STXBP5L: variants seen among roughly 807,000 people sequenced by gnomAD.
STXBP5L encodes the protein syntaxin binding protein 5L, also known as syntaxin-binding protein 5-like.
STXBP5L carries 65 observed loss-of-function variants against 144.5 expected under a neutral mutation model. That is an observed-to-expected ratio of 0.45 (90% confidence interval 0.37 to 0.55). The LOEUF is 0.55. STXBP5L is among the 20% of genes least tolerant of loss of function. STXBP5L has a pLI of 0.00. For missense variants in STXBP5L, 1,298 were observed against 1,405.5 expected (o/e 0.92, Z 1.22); for synonymous variants, 505 against 469.6 (o/e 1.08, Z -0.97).
intron 6 of STXBP5L, among the ~76,000 whole-genome samples, chr3:121,116,269 T>C (rs2044225674): frequency 6.6e-6 from 1 of 152,198 alleles, no homozygotes; most frequent in African/African-American, 2.4e-5. Flanking sequence ...TGCAAAATTC[T>C]GATTAAAACA....
chr3:121,338,393 C>T (rs1279667167), intron 20 of STXBP5L, among the ~76,000 whole-genome samples: 1 of 151,644 alleles, frequency 6.6e-6, no homozygotes, highest in Non-Finnish European at 1.5e-5. Flanking sequence ...CCTGTAATCC[C>T]AGCACTTTGG....
rs138329088 is a variant in STXBP5L at position 121,323,539 on chromosome 3, T to C, written c.2176+4999T>C. Among the ~76,000 whole-genome samples, 139 of 152,296 alleles carry C rather than the reference T, an allele frequency of 9.1e-4. 1 individual carries two copies. The highest frequency in any genetic ancestry group is 3.1e-3 in the African/African-American group (130 of 41,574). On this transcript the variant is annotated intron_variant, in intron 20 of 26. Coordinates refer to ENST00000471454, the MANE Select transcript of STXBP5L (RefSeq NM_001308330.2). ...GAAGAATCCATTGAGTCAAATGGAA[T>C]GCCAATGTTCTCAGTTTCCAAGATA... is the stretch of plus-strand genomic sequence containing the variant.
At chr3:120,962,792 G>A (rs2107746834) in intron 3 of STXBP5L, among the ~76,000 whole-genome samples, 2 of 151,342 alleles carry the variant, frequency 1.3e-5, no homozygotes, top group South Asian at 4.2e-4. Context: ...ACTTTAAATA[G>A]TTTTTCCAAT....
chr3:121,204,404 C>T (rs192876788), intron 9 of STXBP5L, among the ~76,000 whole-genome samples: 6 of 152,004 alleles, frequency 3.9e-5, no homozygotes, highest in Admixed American at 3.9e-4. Context: ...TTTTTTTCTT[C>T]TTTAGTCAAC....
intron 9 of STXBP5L, among the ~76,000 whole-genome samples, chr3:121,159,867 C>T (rs1338129294): frequency 6.6e-6 from 1 of 151,886 alleles, no homozygotes; most frequent in Non-Finnish European, 1.5e-5. Context: ...CTCCTGACCT[C>T]GTGATCCGCC....
chr3:120,925,640 A>C (rs1709586722), intron 2 of STXBP5L, among the ~76,000 whole-genome samples: 1 of 152,156 alleles, frequency 6.6e-6, no homozygotes, highest in African/African-American at 2.4e-5. Context: ...TTTACATTCA[A>C]GATAATTATT....
At chr3:121,067,780 G>A (rs1203595261) in intron 5 of STXBP5L, among the ~76,000 whole-genome samples, 1 of 152,012 alleles carries the variant, frequency 6.6e-6, no homozygotes, top group Non-Finnish European at 1.5e-5. Context: ...TTGAATCTAA[G>A]TTGTTGGATG....
At chr3:121,231,870 A>G (rs1410772590) in intron 11 of STXBP5L, among the ~76,000 whole-genome samples, 2 of 152,208 alleles carry the variant, frequency 1.3e-5, no homozygotes, top group African/African-American at 2.4e-5. Flanking sequence ...ATACAAACAG[A>G]AACAGAAAAA....
chr3:121,139,258 AATG>A (rs2045391248), intron 7 of STXBP5L, among the ~76,000 whole-genome samples: 1 of 152,110 alleles, frequency 6.6e-6, no homozygotes, highest in African/African-American at 2.4e-5. Flanking sequence ...AACACAAATA[AATG>A]ATGAATATTT....
At chr3:120,994,261 A>C (rs1217345728) in intron 3 of STXBP5L, among the ~76,000 whole-genome samples, 1 of 151,928 alleles carries the variant, frequency 6.6e-6, no homozygotes, top group Admixed American at 6.6e-5. Flanking sequence ...CCTCTTTTCT[A>C]ATTTGGATGC....
intron 10 of STXBP5L, among the ~76,000 whole-genome samples, chr3:121,222,656 C>A (rs533209679): frequency 8.2e-4 from 125 of 152,254 alleles, no homozygotes; most frequent in Admixed American, 1.6e-3. Flanking sequence ...GACTAATATT[C>A]CAATGATAGT....
chr3:121,305,262 T>C (rs918885250), intron 19 of STXBP5L, among the ~76,000 whole-genome samples: 4 of 152,168 alleles, frequency 2.6e-5, no homozygotes, highest in South Asian at 2.1e-4. Flanking sequence ...ACCAATCTTA[T>C]GCAAATTCTT....
chr3:121,050,819 T>G (rs1947915883), intron 5 of STXBP5L, among the ~76,000 whole-genome samples: 1 of 152,206 alleles, frequency 6.6e-6, no homozygotes, highest in South Asian at 2.1e-4. Context: ...GACCTATCAG[T>G]GTGCTGTATT....
At chr3:121,229,217 A>G (rs1477725587) in intron 11 of STXBP5L, among the ~76,000 whole-genome samples, 4 of 152,166 alleles carry the variant, frequency 2.6e-5, no homozygotes, top group Non-Finnish European at 5.9e-5. Flanking sequence ...TTATTCTCTT[A>G]TCTTTACATC....
intron 7 of STXBP5L, among the ~76,000 whole-genome samples, chr3:121,150,228 G>A (rs1327696698): frequency 6.6e-6 from 1 of 151,870 alleles, no homozygotes; most frequent in Admixed American, 6.6e-5. Flanking sequence ...ATGATATCAT[G>A]GTGAAGAAGT....
chr3:121,005,935 G>C (rs892956317), intron 3 of STXBP5L, among the ~76,000 whole-genome samples: 1 of 152,098 alleles, frequency 6.6e-6, no homozygotes, highest in Non-Finnish European at 1.5e-5. Context: ...TATGATTTCT[G>C]TTCTTTTACA....
chr3:121,261,319 G>A (rs2050375983), intron 18 of STXBP5L, among the ~76,000 whole-genome samples: 1 of 152,100 alleles, frequency 6.6e-6, no homozygotes, highest in African/African-American at 2.4e-5. Flanking sequence ...AGTTCATGTG[G>A]CTACTAGAGT....
Position 121,119,444 on chromosome 3 carries a change from G to A in STXBP5L, c.606-2197G>A, listed in dbSNP as rs555456469. Among the ~76,000 whole-genome samples, 18 of 151,450 alleles carry A rather than the reference G, an allele frequency of 1.2e-4. No homozygotes were observed. The South Asian group carries it at 1.2e-3, about 10-fold the overall frequency. On this transcript the variant is annotated intron_variant, in intron 6 of 26. Transcript: ENST00000471454. ...TAGAATATCAATATTTAAGATATGG[G>A]AAGATAATGAAAAGCCCATAATGGA...
At chr3:121,091,015 G>A (rs904957259) in intron 5 of STXBP5L, among the ~76,000 whole-genome samples, 4 of 147,592 alleles carry the variant, frequency 2.7e-5, no homozygotes, top group Non-Finnish European at 5.9e-5. Flanking sequence ...ACCTATGAGT[G>A]AGAATATGCG....
Sources: gnomAD v4.1 joint callset for allele counts (sites outside exome capture counted in the v4.1 genomes callset) on GRCh38, gnomAD v4.1.1 for gene constraint, MANE v1.5 for transcripts, NCBI Gene and HGNC (gene_info 2026-07-23, HGNC 2026-07-21) for gene names.